RIMS2: variants seen among roughly 807,000 people sequenced by gnomAD.
RIMS2 encodes regulating synaptic membrane exocytosis protein 2.
In RIMS2, 59 loss-of-function variants were observed where a neutral mutation model predicts 174.4. The observed-to-expected ratio is 0.34, with a 90% CI of 0.27 to 0.42. The LOEUF is 0.42. Ranked by LOEUF, RIMS2 falls within the 10% of genes least tolerant of loss-of-function variation. The probability of loss-of-function intolerance (pLI) is 1.00; values close to 1 mark genes in which losing one functional copy is unlikely to be tolerated. For missense variants in RIMS2, 1,620 were observed against 1,666.3 expected (o/e 0.97, Z 0.48); for synonymous variants, 606 against 572.5 (o/e 1.06, Z -0.84).
At chr8:104,095,426 G>A (rs2097742280) in intron 19 of RIMS2, among the ~76,000 whole-genome samples, 1 of 152,104 alleles carries the variant, frequency 6.6e-6, no homozygotes, top group South Asian at 2.1e-4. Context: ...CAATCCATTA[G>A]ATAAACTTCT....
At chr8:104,134,765 C>T (rs1245367696) in intron 19 of RIMS2, among the ~76,000 whole-genome samples, 3 of 152,186 alleles carry the variant, frequency 2.0e-5, no homozygotes, top group Admixed American at 2.0e-4. Flanking sequence ...AACAAGTTAT[C>T]CATTTGTAAA....
chr8:103,600,150 T>C (rs1458294479), intron 1 of RIMS2, among the ~76,000 whole-genome samples: 1 of 152,172 alleles, frequency 6.6e-6, no homozygotes, highest in Admixed American at 6.5e-5. Flanking sequence ...ACATACAATG[T>C]TTGTCTTTCC....
intron 15 of RIMS2, among the ~76,000 whole-genome samples, chr8:103,969,341 G>T (rs1456190214): frequency 6.6e-6 from 1 of 151,916 alleles, no homozygotes; most frequent in East Asian, 1.9e-4. Flanking sequence ...GTTATACCTT[G>T]TGTAGTTGTC....
chr8:103,724,155 G>C (rs185042166), intron 2 of RIMS2, among the ~76,000 whole-genome samples: 1 of 149,156 alleles, frequency 6.7e-6, no homozygotes, highest in African/African-American at 2.5e-5. Flanking sequence ...TACCCTCTTC[G>C]ATGTGTCTGT....
chr8:104,196,220 A>G (rs1406914579), intron 19 of RIMS2, among the ~76,000 whole-genome samples: 3 of 152,142 alleles, frequency 2.0e-5, no homozygotes, highest in Admixed American at 6.5e-5. Flanking sequence ...AATTTATTCA[A>G]TTTAGTCTGC....
intron 14 of RIMS2, among the ~76,000 whole-genome samples, chr8:103,958,202 C>G (rs1377614960): frequency 1.3e-5 from 2 of 152,134 alleles, no homozygotes; most frequent in African/African-American, 2.4e-5. Flanking sequence ...TACATATACA[C>G]CATAGAATAC....
rs879430275 is a variant in RIMS2, at chr8:103,759,038, T to C, written c.388-7189T>C. On this transcript the variant is annotated intron_variant, in intron 2 of 23. Coordinates refer to ENST00000504942, the Ensembl canonical transcript of RIMS2. The stretch of plus-strand genomic sequence containing the variant: ...GCTTGTTTCTTCTATTCTTCTACAT[T>C]GTAGGGGAGGAGAAAGAAGACAGGT... Among the ~76,000 whole-genome samples, 23 of 149,022 alleles carry C rather than the reference T, an allele frequency of 1.5e-4. 2 individuals are homozygous for C. The highest frequency in any genetic ancestry group is 1.3e-3 in the Admixed American group (19 of 14,884).
At chr8:104,111,275 T>C (rs2098177637) in intron 19 of RIMS2, among the ~76,000 whole-genome samples, 2 of 152,180 alleles carry the variant, frequency 1.3e-5, no homozygotes, top group African/African-American at 4.8e-5. Context: ...ATTATGAGAA[T>C]TGATCATTTT....
intron 1 of RIMS2, among the ~76,000 whole-genome samples, chr8:103,676,470 A>G (rs1369688410): frequency 1.3e-5 from 2 of 152,152 alleles, no homozygotes. Context: ...CTTTATCCAG[A>G]ATAGCTTTCT....
intron 19 of RIMS2, among the ~76,000 whole-genome samples, chr8:104,079,125 G>A (rs2097356688): frequency 6.6e-6 from 1 of 151,858 alleles, no homozygotes; most frequent in African/African-American, 2.4e-5. Flanking sequence ...GACAAAAACA[G>A]CAACTTGTAT....
intron 1 of RIMS2, among the ~76,000 whole-genome samples, chr8:103,510,727 A>AT (rs913764842): frequency 1.1e-4 from 16 of 152,160 alleles, no homozygotes; most frequent in Middle Eastern, 6.8e-3. Flanking sequence ...ACTAGGAAAG[A>AT]TTTTTTCTCT....
intron 1 of RIMS2, among the ~76,000 whole-genome samples, chr8:103,560,665 A>T (rs1220063499): frequency 6.6e-6 from 1 of 152,204 alleles, no homozygotes; most frequent in East Asian, 1.9e-4. Context: ...ATGTCTGGGG[A>T]TTCAGAGATT....
intron 1 of RIMS2, among the ~76,000 whole-genome samples, chr8:103,593,821 A>C (rs1295235783): frequency 6.6e-6 from 1 of 151,348 alleles, no homozygotes; most frequent in Non-Finnish European, 1.5e-5. Flanking sequence ...ATTAAAAATC[A>C]ATTTAAAAAT....
chr8:103,936,340 A>G (rs2081248105), intron 12 of RIMS2, among the ~76,000 whole-genome samples: 1 of 152,162 alleles, frequency 6.6e-6, no homozygotes, highest in South Asian at 2.1e-4. Flanking sequence ...ATTTATTGAA[A>G]CATTGCTATT....
chr8:103,646,096 G>A (rs895099874), intron 1 of RIMS2, among the ~76,000 whole-genome samples: 1 of 152,106 alleles, frequency 6.6e-6, no homozygotes, highest in Non-Finnish European at 1.5e-5. Context: ...GCCAGGATGA[G>A]CCAGGAGAAG....
chr8:104,185,933 TGTTTATCATG>T (rs2098965670), intron 19 of RIMS2, among the ~76,000 whole-genome samples: 1 of 151,712 alleles, frequency 6.6e-6, no homozygotes, highest in Non-Finnish European at 1.5e-5. Flanking sequence ...TGTACCCATA[TGTTTATCATG>T]GCACTATTTA....
chr8:103,508,480 A>C (rs1429821780), intron 1 of RIMS2, among the ~76,000 whole-genome samples: 4 of 150,414 alleles, frequency 2.7e-5, no homozygotes, highest in Non-Finnish European at 5.9e-5. Flanking sequence ...AAAAAAGAAG[A>C]CGATGCAGGA....
intron 3 of RIMS2, among the ~76,000 whole-genome samples, chr8:103,794,274 T>C (rs2098530808): frequency 1.3e-5 from 2 of 151,926 alleles, no homozygotes; most frequent in African/African-American, 2.4e-5. Flanking sequence ...TCAGAAAGAA[T>C]ACCACACATC....
chr8:104,146,320 G>T (rs529993848), intron 19 of RIMS2, among the ~76,000 whole-genome samples: 1 of 151,364 alleles, frequency 6.6e-6, no homozygotes, highest in Non-Finnish European at 1.5e-5. Context: ...TCGAGGTTAC[G>T]ATGAGCTATG....
Sources: allele counts gnomAD v4.1 joint callset (sites outside exome capture counted in the v4.1 genomes callset), GRCh38; gene constraint gnomAD v4.1.1; transcripts MANE v1.5; gene names NCBI Gene and HGNC (gene_info 2026-07-23, HGNC 2026-07-21).